SGPP2: variants seen among roughly 807,000 people sequenced by gnomAD.
SGPP2 encodes sphingosine 1-phosphate phosphohydrolase 2.
SGPP2 carries 30 observed loss-of-function variants against 33.9 expected under a neutral mutation model. The observed-to-expected ratio is 0.89, with a 90% CI of 0.66 to 1.20. The LOEUF (loss-of-function observed/expected upper bound fraction) is 1.20. Among genes scored for constraint, SGPP2 ranks in the 50% most tolerant of loss-of-function variants. The probability of loss-of-function intolerance (pLI) is 0.00; values close to 1 mark genes in which losing one functional copy is unlikely to be tolerated. For synonymous variants in SGPP2, 233 were observed against 225.0 expected, an observed-to-expected ratio of 1.04 and a Z score of -0.32; for missense variants, 458 against 532.1, an observed-to-expected ratio of 0.86 and a Z score of 1.37.
At chr2:222,553,046 C>T (rs374540982) in intron 4 of SGPP2, among the ~76,000 whole-genome samples, 8 of 152,310 alleles carry the variant, frequency 5.3e-5, no homozygotes, top group African/African-American at 1.9e-4. Flanking sequence ...TGCAAAGACC[C>T]TGACCTTGCT....
At chr2:222,527,576 G>A (rs991406416) in intron 4 of SGPP2, among the ~76,000 whole-genome samples, 7 of 152,228 alleles carry the variant, frequency 4.6e-5, no homozygotes, top group African/African-American at 9.6e-5. Context: ...AGGGGCCCAG[G>A]GAAGGGGCAC....
intron 2 of SGPP2, among the ~76,000 whole-genome samples, chr2:222,484,857 G>A (rs1559157362): frequency 6.6e-6 from 1 of 152,212 alleles, no homozygotes; most frequent in Non-Finnish European, 1.5e-5. Flanking sequence ...CCAATTTGTA[G>A]ACCATGGAGG....
rs35021421 is a variant in SGPP2 at position 222,476,711 on chromosome 2, T to C, written c.378+1985T>C. 1.3e-5 allele frequency among the ~76,000 whole-genome samples: 2 copies of C among 151,834 alleles called. No individual in the cohort carries two copies. The highest frequency in any genetic ancestry group is 4.1e-4 in the South Asian group (2 of 4,826). On this transcript the variant is annotated intron_variant, in intron 2 of 4. Coordinates refer to ENST00000321276, the MANE Select transcript of SGPP2 (RefSeq NM_152386.4). The surrounding 1 kb of genome is among the most constrained non-coding windows in gnomAD (Gnocchi z 4.3). ...TGTGTGCGTGTGTAAGGTATAACTGTATATATATGTATGTGTGTATATAGG... is the reference window on the plus strand; with the variant it reads ...TGTGTGCGTGTGTAAGGTATAACTGCATATATATGTATGTGTGTATATAGG...
At chr2:222,548,008 A>G (rs942015083) in intron 4 of SGPP2, among the ~76,000 whole-genome samples, 5 of 152,238 alleles carry the variant, frequency 3.3e-5, no homozygotes, top group African/African-American at 9.6e-5. Context: ...TGGGTTATAT[A>G]CAAAACTAGT....
chr2:222,542,477 A>T (rs1235564943), intron 4 of SGPP2, among the ~76,000 whole-genome samples: 1 of 152,326 alleles, frequency 6.6e-6, no homozygotes, highest in Admixed American at 6.5e-5. Context: ...GTTCAGCTTT[A>T]GTATGTTCCA....
Position 222,550,621 on chromosome 2 carries a change from TTG to T in SGPP2, c.649-7724_649-7723del, listed in dbSNP as rs1432948415. ...CCATAGAAAATGAGGTTGCAGAAAT[TTG>T]TCTTTTCACATGGAAAATGTTCCTG... On this transcript the variant is annotated intron_variant, in intron 4 of 4. Transcript: ENST00000321276. The surrounding 1 kb of genome is among the most constrained non-coding windows in gnomAD (Gnocchi z 4.5). 6.6e-6 allele frequency among the ~76,000 whole-genome samples: 1 copy of T among 152,236 alleles called. No homozygotes were observed. The highest frequency in any genetic ancestry group is 1.9e-4 in the East Asian group (1 of 5,202).
intron 2 of SGPP2, among the ~76,000 whole-genome samples, chr2:222,513,471 C>A (rs910723261): frequency 6.6e-6 from 1 of 152,138 alleles, no homozygotes; most frequent in Admixed American, 6.5e-5. Flanking sequence ...CCATATGATT[C>A]ACTCACTAAA....
chr2:222,463,152 C>T (rs1453110192), intron 1 of SGPP2, among the ~76,000 whole-genome samples: 2 of 152,182 alleles, frequency 1.3e-5, no homozygotes, highest in Non-Finnish European at 2.9e-5. Flanking sequence ...GCAAAATGTC[C>T]TCCCTCTTCC....
intron 2 of SGPP2, among the ~76,000 whole-genome samples, chr2:222,488,573 G>A (rs1028770642): frequency 6.6e-6 from 1 of 152,168 alleles, no homozygotes; most frequent in Non-Finnish European, 1.5e-5. Context: ...GGGAACTGCT[G>A]CTTGAGATAC....
intron 2 of SGPP2, among the ~76,000 whole-genome samples, chr2:222,514,895 C>T (rs1006343351): frequency 6.6e-6 from 1 of 152,116 alleles, no homozygotes; most frequent in Admixed American, 6.5e-5. Context: ...ACTTCAAAAC[C>T]ACTTCCACAT....
chr2:222,549,610 A>G (rs1689256928), intron 4 of SGPP2, among the ~76,000 whole-genome samples: 1 of 76,934 alleles, frequency 1.3e-5, no homozygotes, highest in African/African-American at 3.2e-5. Flanking sequence ...TAATGAGAAT[A>G]TAATAAAGCT....
chr2:222,549,463 T>G (rs1689254570), intron 4 of SGPP2, among the ~76,000 whole-genome samples: 1 of 152,226 alleles, frequency 6.6e-6, no homozygotes, highest in Admixed American at 6.5e-5. Context: ...TGTTTCTGTT[T>G]GGCTAAGAAT....
intron 4 of SGPP2, among the ~76,000 whole-genome samples, chr2:222,545,806 G>T (rs754298428): frequency 1.3e-5 from 2 of 152,066 alleles, no homozygotes; most frequent in Non-Finnish European, 2.9e-5. Context: ...ATTGAGCCGG[G>T]CCAAGTAGCC....
Position 222,562,350 on chromosome 2 carries a change from A to C in SGPP2, c.*3452A>C, listed in dbSNP as rs1402989017. Reference sequence around the variant, plus strand: ...AGATATTCAGAAGATGAAAACGTAGAAGACACCCCTGAATTAAAAACACTT... The same window carrying C: ...AGATATTCAGAAGATGAAAACGTAGCAGACACCCCTGAATTAAAAACACTT... On this transcript the variant is annotated 3_prime_UTR_variant, in exon 5 of 5. Coordinates refer to ENST00000321276, the MANE Select transcript of SGPP2 (RefSeq NM_152386.4). 2.6e-5 allele frequency among the ~76,000 whole-genome samples: 4 copies of C among 152,188 alleles called. No individual in the cohort carries two copies. Among genetic ancestry groups the C allele is most frequent in the Non-Finnish European group, 5.9e-5 (4 of 68,038 alleles).
At chr2:222,528,945 CG>C (rs1448375606) in intron 4 of SGPP2, among the ~76,000 whole-genome samples, 5 of 152,224 alleles carry the variant, frequency 3.3e-5, no homozygotes, top group Admixed American at 2.0e-4. Context: ...TGAAGTTTGC[CG>C]CATCAATTGA....
At chr2:222,468,176 C>T (rs949650827) in intron 1 of SGPP2, among the ~76,000 whole-genome samples, 1 of 151,938 alleles carries the variant, frequency 6.6e-6, no homozygotes, top group Non-Finnish European at 1.5e-5. Flanking sequence ...CTGCTCTGCT[C>T]TGAGAGGATG....
chr2:222,521,911 T>C lies in SGPP2; in HGVS notation c.523T>C (p.Phe175Leu). The C allele has an allele frequency of 6.2e-7, 1 of 1,603,828 alleles. No homozygotes were observed. The highest frequency in any genetic ancestry group is 8.5e-7 in the Non-Finnish European group (1 of 1,176,118). Residue 175 changes from phenylalanine (F) to leucine (L), a missense_variant, in exon 3 of 5, where the codon TTC becomes CTC. By Grantham distance (22) the Phe-to-Leu change is conservative. Coordinates refer to ENST00000321276, the MANE Select transcript of SGPP2 (RefSeq NM_152386.4). ...THAMAATAIA[F>L]TLLISTMDRY... ...CGCCATGGCGGCCACTGCCATTGCCTTCACCCTCCTTATCTCTACTATGGA... is the reference window on the plus strand; with the variant it reads ...CGCCATGGCGGCCACTGCCATTGCCCTCACCCTCCTTATCTCTACTATGGA...
At chr2:222,424,042 G>A (rs1225318110), upstream of SGPP2, among the ~76,000 whole-genome samples, 1 of 152,148 alleles carries the variant, frequency 6.6e-6, no homozygotes, top group African/African-American at 2.4e-5. Context: ...TCCCTGGGGG[G>A]CTCGCTGTAT....
chr2:222,486,367 G>A (rs950041918), intron 2 of SGPP2, among the ~76,000 whole-genome samples: 3 of 151,904 alleles, frequency 2.0e-5, no homozygotes, highest in East Asian at 1.9e-4. Context: ...TAGCATCATC[G>A]TTATTATTAT....
Sources: allele counts gnomAD v4.1 joint callset (sites outside exome capture counted in the v4.1 genomes callset), GRCh38; gene constraint gnomAD v4.1.1; non-coding constraint Gnocchi (gnomAD v3.1); transcripts MANE v1.5; gene names NCBI Gene and HGNC (gene_info 2026-07-23, HGNC 2026-07-21).